MAGI2: variants seen among roughly 807,000 people sequenced by gnomAD.
MAGI2 encodes the protein membrane-associated guanylate kinase, WW and PDZ domain-containing protein 2.
A neutral mutation model predicts 133.3 loss-of-function variants in MAGI2; 35 were observed. The observed-to-expected ratio is 0.26, with a 90% confidence interval of 0.20 to 0.35. The LOEUF (loss-of-function observed/expected upper bound fraction) is 0.35, where lower values mean the gene tolerates loss of function less well. MAGI2 is among the 10% of genes least tolerant of loss of function. The probability of loss-of-function intolerance (pLI) is 1.00; values close to 1 mark genes in which losing one functional copy is unlikely to be tolerated. For synonymous variants in MAGI2, 729 were observed against 710.6 expected (o/e 1.03, Z -0.41); for missense variants, 1,636 against 1,863.4 (o/e 0.88, Z 2.25).
chr7:78,156,100 G>T (rs190339252), intron 16 of MAGI2, among the ~76,000 whole-genome samples: 5 of 152,158 alleles, frequency 3.3e-5, no homozygotes, highest in African/African-American at 1.2e-4. Context: ...TCTGAATTTC[G>T]ATGATTTCCA....
intron 1 of MAGI2, among the ~76,000 whole-genome samples, chr7:79,187,868 AGG>A: frequency 1.3e-5 from 2 of 151,890 alleles, no homozygotes; most frequent in Non-Finnish European, 2.9e-5. Flanking sequence ...ATTGAGATAC[AGG>A]AGACCTAAAT....
intron 1 of MAGI2, among the ~76,000 whole-genome samples, chr7:79,208,190 A>C (rs1286794474): frequency 6.6e-6 from 1 of 151,984 alleles, no homozygotes; most frequent in Non-Finnish European, 1.5e-5. Flanking sequence ...AAATAGAATT[A>C]CATCAAACTA....
intron 1 of MAGI2, among the ~76,000 whole-genome samples, chr7:79,432,117 G>A (rs1847818445): frequency 6.6e-6 from 1 of 152,180 alleles, no homozygotes; most frequent in Admixed American, 6.5e-5. Context: ...AAACAAGCAA[G>A]TTACTAATCA....
chr7:78,242,163 T>C (rs756218066), intron 10 of MAGI2, among the ~76,000 whole-genome samples: 3 of 152,210 alleles, frequency 2.0e-5, no homozygotes, highest in Non-Finnish European at 4.4e-5. Context: ...TTCTGGCCAA[T>C]TGAATGTGGC....
chr7:79,059,759 A>G (rs1813533261), intron 1 of MAGI2, among the ~76,000 whole-genome samples: 1 of 152,140 alleles, frequency 6.6e-6, no homozygotes, highest in Non-Finnish European at 1.5e-5. Flanking sequence ...AAAGGGAAAT[A>G]TATTCTTCAA....
intron 2 of MAGI2, among the ~76,000 whole-genome samples, chr7:78,730,148 G>A (rs1457789714): frequency 6.6e-6 from 1 of 152,092 alleles, no homozygotes; most frequent in African/African-American, 2.4e-5. Flanking sequence ...AAAATTATCT[G>A]ATTAGAGACA....
At chr7:79,072,803 A>G (rs1179685792) in intron 1 of MAGI2, among the ~76,000 whole-genome samples, 1 of 152,240 alleles carries the variant, frequency 6.6e-6, no homozygotes, top group Non-Finnish European at 1.5e-5. Context: ...AATCCTGGAC[A>G]GTATATAAAG....
At chr7:78,722,483 C>A (rs568098444) in intron 2 of MAGI2, among the ~76,000 whole-genome samples, 1 of 151,914 alleles carries the variant, frequency 6.6e-6, no homozygotes, top group Non-Finnish European at 1.5e-5. Context: ...TCAAATGTTA[C>A]AAAATGAATT....
chr7:78,856,830 A>C (rs571622350), intron 2 of MAGI2, among the ~76,000 whole-genome samples: 19 of 152,270 alleles, frequency 1.2e-4, no homozygotes, highest in Non-Finnish European at 2.2e-4. Flanking sequence ...TGAATCTATA[A>C]AGTACCACGG....
chr7:78,629,222 G>C (rs73378266), intron 2 of MAGI2, among the ~76,000 whole-genome samples: 2,573 of 152,180 alleles, frequency 0.017, 91 homozygotes, highest in African/African-American at 0.059. Flanking sequence ...CTCTGTGATT[G>C]AGTTCTTCCT....
intron 2 of MAGI2, among the ~76,000 whole-genome samples, chr7:78,722,211 A>G (rs1035946447): frequency 6.6e-6 from 1 of 151,824 alleles, no homozygotes; most frequent in Non-Finnish European, 1.5e-5. Context: ...TATAATAAAT[A>G]GCAGTAATAA....
At position 79,168,149 on chromosome 7, in the gene MAGI2, C is replaced by T. The variant is rs189179231; in HGVS notation, c.302-160943G>A. Among the ~76,000 whole-genome samples, 466 of 151,938 alleles carry T rather than the reference C, an allele frequency of 3.1e-3. 7 individuals carry two copies. The highest frequency in any genetic ancestry group is 3.4e-3 in the Middle Eastern group (1 of 294). On this transcript the variant is annotated intron_variant, in intron 1 of 21. Coordinates refer to ENST00000354212, the MANE Select transcript of MAGI2 (RefSeq NM_012301.4). ...ATAAATATGTGGGTAAATCTCTGTT[C>T]GGGGCTCTCAGCTCTGAAGGCTGTG...
At chr7:78,043,826 G>T (rs1811112864) in intron 21 of MAGI2, among the ~76,000 whole-genome samples, 1 of 152,180 alleles carries the variant, frequency 6.6e-6, no homozygotes, top group Non-Finnish European at 1.5e-5. Flanking sequence ...GTAAGTTTCA[G>T]CCTCAAAAAC....
At chr7:78,276,563 T>C (rs1040848523) in intron 9 of MAGI2, among the ~76,000 whole-genome samples, 5 of 152,130 alleles carry the variant, frequency 3.3e-5, no homozygotes, top group African/African-American at 1.2e-4. Flanking sequence ...TCTTATAGAC[T>C]CTTTACTAAT....
At chr7:78,953,750 C>A (rs935877442) in intron 2 of MAGI2, among the ~76,000 whole-genome samples, 1 of 151,958 alleles carries the variant, frequency 6.6e-6, no homozygotes, top group Non-Finnish European at 1.5e-5. Flanking sequence ...TTGAGATCGC[C>A]GATCATTTTA....
intron 2 of MAGI2, among the ~76,000 whole-genome samples, chr7:78,682,426 A>G (rs573904149): frequency 2.8e-4 from 42 of 151,640 alleles, no homozygotes; most frequent in Non-Finnish European, 5.0e-4. Flanking sequence ...CCCTGTGTCC[A>G]TGTGTTCTCA....
chr7:78,167,256 T>C (rs563260268), intron 15 of MAGI2, among the ~76,000 whole-genome samples: 2 of 152,318 alleles, frequency 1.3e-5, no homozygotes, highest in East Asian at 3.9e-4. Flanking sequence ...TAATTTTTTA[T>C]AGGGTTGATA....
intron 21 of MAGI2, among the ~76,000 whole-genome samples, chr7:78,035,476 T>C (rs1289466475): frequency 1.3e-5 from 2 of 152,098 alleles, no homozygotes; most frequent in Non-Finnish European, 2.9e-5. Context: ...ACCTGCCCAG[T>C]GTGGGGATTC....
At position 78,812,392 on chromosome 7, in the gene MAGI2, G is replaced by C. The variant is rs117118857; in HGVS notation, c.419-185153C>G. Among the ~76,000 whole-genome samples, 1,182 of 152,280 alleles carry C rather than the reference G, an allele frequency of 7.8e-3. 39 individuals carry two copies. Among genetic ancestry groups the C allele is most frequent in the Admixed American group, 0.051 (779 of 15,292 alleles). ...ACACTTTTACAAATCCTAGTTCAGA[G>C]GTTGAAGCTTCTTAGCCTGGAGTTT... On this transcript the variant is annotated intron_variant, in intron 2 of 21. Coordinates refer to ENST00000354212, the MANE Select transcript of MAGI2 (RefSeq NM_012301.4).
Sources: allele counts gnomAD v4.1 joint callset (sites outside exome capture counted in the v4.1 genomes callset), GRCh38; gene constraint gnomAD v4.1.1; transcripts MANE v1.5; gene names NCBI Gene and HGNC (gene_info 2026-07-23, HGNC 2026-07-21).